Variants in DGKK observed in about 807,000 individuals in gnomAD.
DGKK encodes diacylglycerol kinase kappa.
A neutral mutation model predicts 92.2 loss-of-function variants in DGKK; 35 were observed. The ratio of observed to expected loss-of-function variants is 0.38; its 90% CI spans 0.29 to 0.50. The LOEUF (loss-of-function observed/expected upper bound fraction) is 0.50. Ranked by LOEUF, DGKK falls within the 20% of genes least tolerant of loss-of-function variation. DGKK has a pLI of 0.92. For missense variants in DGKK, 910 were observed against 992.2 expected, an observed-to-expected ratio of 0.92 and a Z score of 1.11; for synonymous variants, 368 against 360.6, an observed-to-expected ratio of 1.02 and a Z score of -0.23.
At position 50,420,279 on chromosome X, in the gene DGKK, A is replaced by G. The variant is rs142667455; in HGVS notation, c.942+124T>C. On this transcript the variant is annotated intron_variant, in intron 4 of 27. Transcript: ENST00000611977. ...ATAATTCTAAAGAGGTTTTCTGTCT[A>G]TAATTCCTAAACAGGTGGTCTCTGC... 132 of 586,070 alleles carry G rather than the reference A, an allele frequency of 2.3e-4. 1 individual carries two copies. The African/African-American group carries it at 2.7e-3, about 12-fold the overall frequency. 48.3% of individuals were successfully genotyped at this position (586,070 alleles called of 1,213,427 possible).
intron 15 of DGKK, among the ~76,000 whole-genome samples, chrX:50,385,525 A>T (rs12396600): frequency 0.034 from 3,775 of 111,763 alleles, 169 homozygotes; most frequent in African/African-American, 0.12. Flanking sequence ...CTTGGAAACT[A>T]ATTATAGAAA....
At chrX:50,468,102 A>T (rs1268309312) in intron 1 of DGKK, among the ~76,000 whole-genome samples, 1 of 111,937 alleles carries the variant, frequency 8.9e-6, no homozygotes, top group Non-Finnish European at 1.9e-5. Flanking sequence ...TACGTAGAGG[A>T]AACTAATCTG....
At chrX:50,449,177 T>C (rs782790647) in intron 1 of DGKK, among the ~76,000 whole-genome samples, 2 of 111,568 alleles carry the variant, frequency 1.8e-5, no homozygotes, top group Admixed American at 1.9e-4. Flanking sequence ...AAGAACCATG[T>C]GCCCTTTAGG....
chrX:50,430,413 AT>A (rs1925858981), intron 1 of DGKK, among the ~76,000 whole-genome samples: 1 of 112,089 alleles, frequency 8.9e-6, no homozygotes, highest in African/African-American at 3.2e-5. Flanking sequence ...TGCCAGCTCT[AT>A]TAGACATTAA....
intron 1 of DGKK, among the ~76,000 whole-genome samples, chrX:50,430,923 T>C (rs1457816649): frequency 1.8e-5 from 2 of 111,942 alleles, no homozygotes; most frequent in Middle Eastern, 4.6e-3. Flanking sequence ...AACACCCCCC[T>C]GCTGCTTAAT....
chrX:50,445,279 G>A (rs1429028334), intron 1 of DGKK, among the ~76,000 whole-genome samples: 1 of 110,445 alleles, frequency 9.1e-6, no homozygotes, highest in Non-Finnish European at 1.9e-5. Flanking sequence ...AAGCTCTTAA[G>A]TTTAATTAGA....
At chrX:50,461,131 A>G (rs782652020) in intron 1 of DGKK, among the ~76,000 whole-genome samples, 1 of 112,432 alleles carries the variant, frequency 8.9e-6, no homozygotes, top group Admixed American at 9.4e-5. Context: ...GTGTCTACAT[A>G]AAATCTATAT....
At position 50,370,538 on chromosome X, in the gene DGKK, C is replaced by T. The variant is rs141122494; in HGVS notation, c.3624G>A (p.Ser1208=). 1.1e-4 allele frequency: 130 copies of T among 1,195,384 alleles called. No individual in the cohort carries two copies. In the East Asian group the frequency reaches 3.5e-3, roughly 32 times the overall value. ...GCCTGAGGCTTCTACTGTCAGTGTC[C>T]GAAGATTTTTCCTGAGAAACCACAA... The part of the protein sequence containing the change: ...NPIFVPEEKS[S]DTDSRSLRLK... The change falls in exon 27 of 28, where the codon TCG becomes TCA. Residue 1208 remains serine (S), a synonymous_variant. Coordinates refer to ENST00000611977, the MANE Select transcript of DGKK (RefSeq NM_001013742.4).
chrX:50,399,263 C>T (rs1267890396), intron 8 of DGKK, among the ~76,000 whole-genome samples: 1 of 110,315 alleles, frequency 9.1e-6, no homozygotes, highest in Non-Finnish European at 1.9e-5. Context: ...TGTGTGTGTA[C>T]GCGTGCACAT....
intron 8 of DGKK, among the ~76,000 whole-genome samples, chrX:50,400,154 T>C (rs1222601684): frequency 8.9e-6 from 1 of 112,228 alleles, no homozygotes; most frequent in Non-Finnish European, 1.9e-5. Flanking sequence ...ACATATCTAG[T>C]AAGTAACTAA....
intron 1 of DGKK, among the ~76,000 whole-genome samples, chrX:50,429,484 G>A (rs782366746): frequency 1.8e-5 from 2 of 111,708 alleles, no homozygotes; most frequent in South Asian, 3.8e-4. Flanking sequence ...AGGAGATCGA[G>A]ACCATCCTGG....
intron 4 of DGKK, among the ~76,000 whole-genome samples, chrX:50,412,063 A>G (rs781992937): frequency 1.8e-5 from 2 of 111,781 alleles, no homozygotes; most frequent in African/African-American, 3.2e-5. Context: ...AAATGCCCCA[A>G]TGAGCATTTC....
chrX:50,421,823 A>C (rs1046382807), intron 3 of DGKK, among the ~76,000 whole-genome samples: 2 of 112,083 alleles, frequency 1.8e-5, no homozygotes, highest in Non-Finnish European at 3.8e-5. Context: ...TCCAGTCTCC[A>C]TATCCCACCA....
At chrX:50,456,894 G>A (rs1181219381) in intron 1 of DGKK, among the ~76,000 whole-genome samples, 1 of 111,763 alleles carries the variant, frequency 8.9e-6, no homozygotes, top group Non-Finnish European at 1.9e-5. Flanking sequence ...TGTCTAGCCC[G>A]GAGGGGATAG....
At chrX:50,415,185 C>T (rs1468730570) in intron 4 of DGKK, among the ~76,000 whole-genome samples, 1 of 111,858 alleles carries the variant, frequency 8.9e-6, no homozygotes, top group Non-Finnish European at 1.9e-5. Context: ...AGCATTGGCA[C>T]TGCCCTGCTG....
At chrX:50,403,218 T>C in intron 6 of DGKK, 35 bp from the exon 7 acceptor site, 1 of 1,161,556 alleles carries the variant, frequency 8.6e-7, no homozygotes, top group East Asian at 3.1e-5. Context: ...GAGGTAGAAG[T>C]TAGAGACATA....
chrX:50,372,313 CAAG>C (rs1924156955), intron 25 of DGKK, among the ~76,000 whole-genome samples: 1 of 112,088 alleles, frequency 8.9e-6, no homozygotes, highest in African/African-American at 3.2e-5. Flanking sequence ...AAACAGACTC[CAAG>C]AAGTTTAGTG....
chrX:50,452,184 A>G (rs1273050047), intron 1 of DGKK, among the ~76,000 whole-genome samples: 3 of 111,603 alleles, frequency 2.7e-5, no homozygotes, highest in African/African-American at 6.5e-5. Context: ...GAGCTAGGAA[A>G]TGACAGAGCT....
At chrX:50,386,619 A>C in intron 14 of DGKK, 33 bp from the exon 15 acceptor site, 1 of 1,127,994 alleles carries the variant, frequency 8.9e-7, no homozygotes, top group Non-Finnish European at 1.2e-6. Context: ...GGGCATTGTT[A>C]TGAGGGACCC....
Sources: allele counts gnomAD v4.1 joint callset (sites outside exome capture counted in the v4.1 genomes callset), GRCh38; gene constraint gnomAD v4.1.1; transcripts MANE v1.5; gene names NCBI Gene and HGNC (gene_info 2026-07-23, HGNC 2026-07-21).